SNRPB: variants seen among roughly 807,000 people sequenced by gnomAD.
SNRPB encodes the protein small nuclear ribonucleoprotein polypeptides B and B1, also known as small nuclear ribonucleoprotein-associated proteins B and B'.
In SNRPB, 5 loss-of-function variants were observed where a neutral mutation model predicts 26.6. That is an observed-to-expected ratio of 0.19 (90% CI 0.10 to 0.39). The LOEUF (loss-of-function observed/expected upper bound fraction) is 0.39, where lower values mean the gene tolerates loss of function less well. Ranked by LOEUF, SNRPB falls within the 10% of genes least tolerant of loss-of-function variation. The pLI is 1.00. For missense variants in SNRPB, 211 were observed against 311.9 expected, an observed-to-expected ratio of 0.68 and a Z score of 2.44; for synonymous variants, 122 against 105.8, an observed-to-expected ratio of 1.15 and a Z score of -0.94.
chr20:2,463,009 C>T lies in SNRPB; in HGVS notation c.559+80G>A, dbSNP rs1794438767. On this transcript the variant is annotated intron_variant, in intron 5 of 6. Coordinates refer to ENST00000381342, the MANE Select transcript of SNRPB (RefSeq NM_003091.4). The surrounding 1 kb of genome is among the most constrained non-coding windows in gnomAD (Gnocchi z 5.0). ...AATTATACAAACTCATCATCAGCTT[C>T]AGTCAAGGTTATATCTCATCATTAA... is the stretch of plus-strand genomic sequence containing the variant. The T allele has an allele frequency of 2.3e-6, 3 of 1,276,644 alleles. No homozygotes were observed. Among genetic ancestry groups the T allele is most frequent in the Non-Finnish European group, 3.3e-6 (3 of 918,116 alleles). The allele number at this position is 1,276,644 out of a possible 1,614,324, so 79.1% of individuals were successfully genotyped here.
chr20:2,470,549 C>T, intron 1 of SNRPB, 139 bp downstream of exon 1: 1 of 1,031,478 alleles, frequency 9.7e-7, no homozygotes, highest in Non-Finnish European at 1.4e-6. Context: ...TGGTCTTTCC[C>T]GCCCAGACCG....
intron 2 of SNRPB, among the ~76,000 whole-genome samples, chr20:2,466,836 A>G (rs2085077915): frequency 6.6e-6 from 1 of 152,138 alleles, no homozygotes; most frequent in Non-Finnish European, 1.5e-5. Flanking sequence ...TCCCTACCAC[A>G]TTTTTAAACT....
chr20:2,462,698 C>A lies in SNRPB; in HGVS notation c.623G>T (p.Gly208Val). The A allele has an allele frequency of 1.3e-6, 2 of 1,599,102 alleles. No individual in the cohort carries two copies. The highest frequency in any genetic ancestry group is 1.7e-6 in the Non-Finnish European group (2 of 1,168,176). The change falls in exon 6 of 7, where the codon GGA becomes GTA. Residue 208 changes from glycine (G) to valine (V), a missense_variant. Gly to Val is a moderately radical substitution (Grantham distance 109, BLOSUM62 -3). Coordinates refer to ENST00000381342, the MANE Select transcript of SNRPB (RefSeq NM_003091.4). Reference protein sequence around the residue: ...PMGPPMGIPPGRGTPMGMPPP... With the variant: ...PMGPPMGIPPVRGTPMGMPPP... ...GGGCATGCCCATTGGAGTCCCTCTT[C>A]CAGGGGGGATCCCCATTGGGGGACC...
At chr20:2,465,685 C>T in intron 3 of SNRPB, 23 bp downstream of exon 3, 2 of 1,538,336 alleles carry the variant, frequency 1.3e-6, no homozygotes, top group Non-Finnish European at 1.8e-6. Flanking sequence ...CCCTCCTCCA[C>T]AAGGCTTCCT....
chr20:2,461,826 C>A lies in SNRPB; in HGVS notation c.*103G>T. ...GGAAACCAGACAATCCCATGAGACT[C>A]CACGAACAACAGCATAAGAAACAAA... On this transcript the variant is annotated 3_prime_UTR_variant, in exon 7 of 7. Transcript: ENST00000381342. 1 of 1,613,964 alleles carries A rather than the reference C, an allele frequency of 6.2e-7. No homozygotes were observed. Among genetic ancestry groups the A allele is most frequent in the South Asian group, 1.1e-5 (1 of 91,054 alleles).
chr20:2,468,767 AT>A (rs1299470482), intron 1 of SNRPB, among the ~76,000 whole-genome samples: 5 of 152,212 alleles, frequency 3.3e-5, no homozygotes, highest in African/African-American at 7.2e-5. Context: ...CTCTACTAAA[AT>A]TACAAAAATT....
At chr20:2,466,667 G>GA (rs975473637) in intron 2 of SNRPB, among the ~76,000 whole-genome samples, 2 of 151,752 alleles carry the variant, frequency 1.3e-5, no homozygotes, top group South Asian at 2.1e-4. Flanking sequence ...TTCATAATTA[G>GA]AAAAAAACCC....
chr20:2,470,757 C>T lies in SNRPB; in HGVS notation c.-67G>A. 3 of 1,593,828 alleles carry T rather than the reference C, an allele frequency of 1.9e-6. No homozygotes were observed. Among genetic ancestry groups the T allele is most frequent in the Non-Finnish European group, 1.7e-6 (2 of 1,165,698 alleles). On this transcript the variant is annotated 5_prime_UTR_variant, in exon 1 of 7. The change creates a new upstream start codon in the 5' untranslated region. Coordinates refer to ENST00000381342, the MANE Select transcript of SNRPB (RefSeq NM_003091.4). ...CCTCAGAGGCCTAGCCTCTCTCCCA[C>T]AGCCGATTTCCCGCCGCCGCTACCG...
At chr20:2,467,571 T>A (rs754824589) in intron 2 of SNRPB, 36 bp downstream of exon 2, 2 of 1,601,654 alleles carry the variant, frequency 1.2e-6, no homozygotes, top group Non-Finnish European at 1.7e-6. Flanking sequence ...TCCATTCCCA[T>A]CCTCCAGTCT....
intron 6 of SNRPB, 113 bp from the exon 7 acceptor site, chr20:2,462,052 CAT>C: frequency 1.4e-6 from 1 of 719,284 alleles, no homozygotes. Context: ...GTATACATGG[CAT>C]ATGTGCTAAC....
chr20:2,470,369 A>G (rs1364135532), intron 1 of SNRPB, among the ~76,000 whole-genome samples: 6 of 152,178 alleles, frequency 3.9e-5, no homozygotes, highest in Non-Finnish European at 7.4e-5. Context: ...AGCCCGGGAC[A>G]TATATTTATT....
intron 1 of SNRPB, among the ~76,000 whole-genome samples, chr20:2,469,200 G>A (rs1311124902): frequency 6.6e-6 from 1 of 152,218 alleles, no homozygotes; most frequent in Non-Finnish European, 1.5e-5. Context: ...GAGGCTAGGA[G>A]AGGTTAAGTA....
intron 2 of SNRPB, 100 bp downstream of exon 2, chr20:2,467,507 G>T: frequency 8.8e-7 from 1 of 1,133,742 alleles, no homozygotes. Context: ...AGAATAAACA[G>T]AGAAGAACCA....
At chr20:2,464,756 G>A (rs1018315595) in intron 3 of SNRPB, among the ~76,000 whole-genome samples, 1 of 151,976 alleles carries the variant, frequency 6.6e-6, no homozygotes, top group African/African-American at 2.4e-5. Flanking sequence ...TGTAATCCCC[G>A]CTACTCGGGA....
chr20:2,462,955 C>G (rs1368458501), intron 5 of SNRPB, 134 bp downstream of exon 5: 2 of 1,034,674 alleles, frequency 1.9e-6, no homozygotes, highest in African/African-American at 3.2e-5. Flanking sequence ...CATCAGTCAG[C>G]CACGCTGGAT....
At chr20:2,462,602 G>T (rs1306103367) in intron 6 of SNRPB, 34 bp downstream of exon 6, 1 of 1,600,726 alleles carries the variant, frequency 6.2e-7, no homozygotes, top group Non-Finnish European at 8.6e-7. Flanking sequence ...AGGCTCTAGG[G>T]AAAGAAGCCA....
rs776456665 is a variant in SNRPB, at chr20:2,463,225, C to T, written c.423G>A (p.Val141=). The part of the protein sequence containing the change: ...VRGVGGPSQQ[V]MTPQGRGTVA... ...CAGTACCTCTTCCTTGTGGGGTCAT[C>T]ACCTAAGAGGACATAAGAAGAAAGA... is the stretch of plus-strand genomic sequence containing the variant. Residue 141 remains valine (V), a splice_region_variant and synonymous_variant, in exon 5 of 7, where the codon GTG becomes GTA. Transcript: ENST00000381342. The surrounding 1 kb of genome is among the most constrained non-coding windows in gnomAD (Gnocchi z 5.0). 2 of 1,610,668 alleles carry T rather than the reference C, an allele frequency of 1.2e-6. No homozygotes were observed. Among genetic ancestry groups the T allele is most frequent in the Admixed American group, 3.3e-5 (2 of 60,026 alleles).
Position 2,461,946 on chromosome 20 carries a change from T to TTGACACA in SNRPB, c.686-8_686-7insTGTGTCA, listed in dbSNP as rs1371106368. 6.2e-7 allele frequency: 1 copy of TTGACACA among 1,608,902 alleles called. No homozygotes were observed. The highest frequency in any genetic ancestry group is 2.2e-5 in the East Asian group (1 of 44,834). The stretch of plus-strand genomic sequence containing the variant: ...GCCAAGGGTCAAAGAAGGCCTGAAG[T>TTGACACA]AAGAGTAAGAAGTTTAGTCAGTGCC... On this transcript the variant is annotated splice_polypyrimidine_tract_variant and splice_region_variant and intron_variant, in intron 6 of 6. Transcript: ENST00000381342.
chr20:2,463,798 A>G lies in SNRPB; in HGVS notation c.369T>C (p.Ala123=). ...GIPAGVPMPQ[A]PAGLAGPVRG... ...GGACTGGCCCAGCAAGTCCTGCAGG[A>G]GCCTGGGGCATGGGAACCCCAGCTG... The change falls in exon 4 of 7, where the codon GCT becomes GCC. Residue 123 remains alanine (A), a synonymous_variant. Transcript: ENST00000381342. The surrounding 1 kb of genome is among the most constrained non-coding windows in gnomAD (Gnocchi z 5.0). 6.2e-7 allele frequency: 1 copy of G among 1,613,214 alleles called. No homozygotes were observed. Among genetic ancestry groups the G allele is most frequent in the East Asian group, 2.2e-5 (1 of 44,828 alleles).
Sources: allele counts gnomAD v4.1 joint callset (sites outside exome capture counted in the v4.1 genomes callset), GRCh38; gene constraint gnomAD v4.1.1; non-coding constraint Gnocchi (gnomAD v3.1); transcripts MANE v1.5; gene names NCBI Gene and HGNC (gene_info 2026-07-23, HGNC 2026-07-21).